UVRAG: variants seen among roughly 807,000 people sequenced by gnomAD.
UVRAG encodes the protein UV radiation resistance associated, also known as UV radiation resistance-associated gene protein.
UVRAG carries 19 observed loss-of-function variants against 78.0 expected under a neutral mutation model. The observed-to-expected ratio is 0.24, with a 90% CI of 0.17 to 0.36. The LOEUF (loss-of-function observed/expected upper bound fraction) is 0.36, where lower values mean the gene tolerates loss of function less well. Among genes scored for constraint, UVRAG ranks in the 10% least tolerant of loss-of-function variants. UVRAG has a pLI of 1.00. For synonymous variants in UVRAG, 323 were observed against 324.6 expected (o/e 1.00, Z 0.05); for missense variants, 740 against 853.8 (o/e 0.87, Z 1.66).
intron 2 of UVRAG, among the ~76,000 whole-genome samples, chr11:75,855,380 C>T (rs939818021): frequency 7.2e-5 from 11 of 152,158 alleles, no homozygotes; most frequent in African/African-American, 2.2e-4. Context: ...CTCCCTCTTG[C>T]GGGCTTCAGT....
intron 12 of UVRAG, among the ~76,000 whole-genome samples, chr11:76,037,545 A>C (rs1175778674): frequency 8.1e-6 from 1 of 122,706 alleles, no homozygotes; most frequent in Middle Eastern, 3.7e-3. Flanking sequence ...TTTACAAAAA[A>C]AAAAAAAAAA....
chr11:76,111,778 C>G (rs770917211), intron 13 of UVRAG, among the ~76,000 whole-genome samples: 47 of 152,020 alleles, frequency 3.1e-4, no homozygotes, highest in Non-Finnish European at 6.2e-4. Context: ...AACCCTCCCC[C>G]CACAGCCAGT....
chr11:75,835,921 G>A (rs1008154547), intron 1 of UVRAG, among the ~76,000 whole-genome samples: 3 of 151,906 alleles, frequency 2.0e-5, no homozygotes, highest in African/African-American at 7.3e-5. Flanking sequence ...GTGAAACCCT[G>A]TCTCTACTTA....
intron 5 of UVRAG, among the ~76,000 whole-genome samples, chr11:75,898,805 A>T (rs1413249743): frequency 6.6e-6 from 1 of 152,192 alleles, no homozygotes; most frequent in African/African-American, 2.4e-5. Flanking sequence ...TGAAACCCAG[A>T]GAAGTTAAGA....
At chr11:76,017,432 C>T (rs1177748639) in intron 12 of UVRAG, among the ~76,000 whole-genome samples, 1 of 152,024 alleles carries the variant, frequency 6.6e-6, no homozygotes, top group Non-Finnish European at 1.5e-5. Flanking sequence ...GTCTAATATA[C>T]ATATAATTTC....
Position 76,016,874 on chromosome 11 carries a change from A to G in UVRAG, c.1120A>G (p.Ile374Val). ...LGYTAHLVSM[I>V]SFFLQVPLRY... Reference sequence around the variant, plus strand: ...TTATACTGCACATCTGGTCTCCATGATTTCCTTTTTCCTACAAGTGCCCCT... The same window carrying G: ...TTATACTGCACATCTGGTCTCCATGGTTTCCTTTTTCCTACAAGTGCCCCT... Residue 374 changes from isoleucine (I) to valine (V), a missense_variant, in exon 12 of 15, where the codon ATT becomes GTT. Physicochemically the swap from Ile to Val is conservative, Grantham distance 29 (BLOSUM62 3). Coordinates refer to ENST00000356136, the MANE Select transcript of UVRAG (RefSeq NM_003369.4). The G allele has an allele frequency of 6.2e-7, 1 of 1,612,714 alleles. No homozygotes were observed. The highest frequency in any genetic ancestry group is 8.5e-7 in the Non-Finnish European group (1 of 1,179,104).
chr11:75,949,714 T>C (rs323638), intron 6 of UVRAG, among the ~76,000 whole-genome samples: 9,197 of 136,702 alleles, frequency 0.067, 438 homozygotes, highest in African/African-American at 0.16. Context: ...TATATATATA[T>C]ACACACACAC....
chr11:75,919,551 C>T (rs1947929675), intron 6 of UVRAG, among the ~76,000 whole-genome samples: 1 of 152,162 alleles, frequency 6.6e-6, no homozygotes, highest in Non-Finnish European at 1.5e-5. Context: ...TTTGTAGTCA[C>T]TGTTTGGATT....
intron 5 of UVRAG, among the ~76,000 whole-genome samples, chr11:75,903,471 A>G (rs150791972): frequency 9.8e-5 from 15 of 152,292 alleles, no homozygotes; most frequent in African/African-American, 3.6e-4. Context: ...AGCTAAACGA[A>G]TTGGACTACT....
At chr11:75,961,903 G>A (rs535202183) in intron 7 of UVRAG, among the ~76,000 whole-genome samples, 27 of 152,110 alleles carry the variant, frequency 1.8e-4, no homozygotes, top group Non-Finnish European at 2.9e-4. Flanking sequence ...TTTGAAAGAC[G>A]AATTTAAAAA....
intron 11 of UVRAG, among the ~76,000 whole-genome samples, chr11:76,014,975 G>C (rs1312410923): frequency 2.0e-5 from 3 of 152,198 alleles, no homozygotes; most frequent in Non-Finnish European, 4.4e-5. Flanking sequence ...ATTCTAGTTA[G>C]TTAGAGCATG....
At chr11:76,047,103 T>G (rs573497364) in intron 12 of UVRAG, among the ~76,000 whole-genome samples, 2 of 152,218 alleles carry the variant, frequency 1.3e-5, no homozygotes, top group Admixed American at 1.3e-4. Context: ...GACAGACATG[T>G]AAACATATGA....
chr11:76,122,161 T>A (rs1365942362), intron 14 of UVRAG, among the ~76,000 whole-genome samples: 1 of 152,190 alleles, frequency 6.6e-6, no homozygotes, highest in East Asian at 1.9e-4. Context: ...CGACATGCTA[T>A]AAGGGAGAGT....
At chr11:75,884,362 T>C (rs745483972) in intron 4 of UVRAG, among the ~76,000 whole-genome samples, 4 of 152,136 alleles carry the variant, frequency 2.6e-5, no homozygotes, top group Non-Finnish European at 4.4e-5. Flanking sequence ...TTATAAGATA[T>C]GTATTTTCCA....
intron 13 of UVRAG, among the ~76,000 whole-genome samples, chr11:76,109,749 C>T (rs1442712515): frequency 6.6e-6 from 1 of 152,182 alleles, no homozygotes; most frequent in Non-Finnish European, 1.5e-5. Flanking sequence ...CTTTCCTCCT[C>T]GACCTGGTTC....
intron 3 of UVRAG, among the ~76,000 whole-genome samples, chr11:75,878,926 AGAGG>A (rs1946878299): frequency 1.3e-5 from 2 of 150,824 alleles, no homozygotes; most frequent in Non-Finnish European, 3.0e-5. Flanking sequence ...AGGGAGAGGG[AGAGG>A]GAGAGGGAGA....
At chr11:76,047,643 G>T (rs1188015837) in intron 12 of UVRAG, among the ~76,000 whole-genome samples, 1 of 152,144 alleles carries the variant, frequency 6.6e-6, no homozygotes, top group Middle Eastern at 3.2e-3. Flanking sequence ...AACCTCATAG[G>T]CTACTAGGTA....
In UVRAG at chr11:75,828,798, TATATA is replaced by T. The variant is rs1186362075; in HGVS notation, c.117+13275_117+13279del. On this transcript the variant is annotated intron_variant, in intron 1 of 14. Coordinates refer to ENST00000356136, the MANE Select transcript of UVRAG (RefSeq NM_003369.4). ...ATACACACATATATATATATATATA[TATATA>T]TATTTTTTTTTTTTTGTAGAGACAG... 4.7e-3 allele frequency among the ~76,000 whole-genome samples: 474 copies of T among 101,778 alleles called. 12 individuals are homozygous for T. The highest frequency in any genetic ancestry group is 0.016 in the African/African-American group (378 of 24,270). 66.8% of individuals were successfully genotyped at this position (101,778 alleles called of 152,430 possible).
chr11:76,077,011 G>T (rs1446092512), intron 13 of UVRAG, among the ~76,000 whole-genome samples: 1 of 146,528 alleles, frequency 6.8e-6, no homozygotes. Context: ...GGCAAACCCT[G>T]TCTCAAAAAA....
Sources: gnomAD v4.1 joint callset for allele counts (sites outside exome capture counted in the v4.1 genomes callset) on GRCh38, gnomAD v4.1.1 for gene constraint, MANE v1.5 for transcripts, NCBI Gene and HGNC (gene_info 2026-07-23, HGNC 2026-07-21) for gene names.